Variants in TRIM63 observed in about 807,000 individuals in gnomAD.
TRIM63 encodes tripartite motif containing 63, also known as E3 ubiquitin-protein ligase TRIM63.
A neutral mutation model predicts 46.0 loss-of-function variants in TRIM63; 48 were observed. The ratio of observed to expected loss-of-function variants is 1.04; its 90% CI spans 0.83 to 1.33. The LOEUF is 1.33. Among genes scored for constraint, TRIM63 ranks in the 40% most tolerant of loss-of-function variants. TRIM63 has a pLI of 0.00. For synonymous variants in TRIM63, 175 were observed against 162.8 expected (o/e 1.08, Z -0.57); for missense variants, 455 against 441.2 (o/e 1.03, Z -0.28).
chr1:26,067,187 C>T (rs1014995897), intron 1 of TRIM63, 149 bp downstream of exon 1: 3 of 988,074 alleles, frequency 3.0e-6, no homozygotes, highest in East Asian at 2.7e-5. Flanking sequence ...TCCCAGCCCC[C>T]TCTCAGCCCT....
intron 2 of TRIM63, 51 bp downstream of exon 2, chr1:26,066,217 C>A (rs755816322): frequency 1.2e-6 from 2 of 1,602,764 alleles, no homozygotes; most frequent in Admixed American, 3.3e-5. Context: ...GGGATCTAGG[C>A]ACAGCATGGC....
intron 2 of TRIM63, among the ~76,000 whole-genome samples, chr1:26,062,038 T>TGGGAGAGTCACCTGAGGTC (rs1553146095): frequency 6.6e-6 from 1 of 151,810 alleles, no homozygotes; most frequent in African/African-American, 2.4e-5. Context: ...GAGGCCGAGG[T>TGGGAGAGTCACCTGAGGTC]GGGAGAGTCA....
chr1:26,065,017 T>TTGTGTGTGTGTG (rs147938449), intron 2 of TRIM63, among the ~76,000 whole-genome samples: 2 of 149,588 alleles, frequency 1.3e-5, no homozygotes, highest in African/African-American at 4.9e-5. Context: ...TTGTGTTGTG[T>TTGTGTGTGTGTG]TGTGTGTGTG....
chr1:26,053,382 A>G (rs1217323106), intron 8 of TRIM63, among the ~76,000 whole-genome samples: 1 of 152,184 alleles, frequency 6.6e-6, no homozygotes, highest in Admixed American at 6.5e-5. Context: ...CCTCCTAAGT[A>G]GCTGGTACTA....
chr1:26,065,348 G>T (rs1203616419), intron 2 of TRIM63, among the ~76,000 whole-genome samples: 1 of 151,614 alleles, frequency 6.6e-6, no homozygotes, highest in East Asian at 1.9e-4. Context: ...TCTGTTTGAG[G>T]CATGGTCTCA....
chr1:26,060,482 G>A (rs2124440288), intron 3 of TRIM63, 121 bp from the exon 4 acceptor site: 2 of 708,458 alleles, frequency 2.8e-6, no homozygotes, highest in South Asian at 1.6e-5. Flanking sequence ...GCCTCCAGTA[G>A]GGATCTGGCC....
chr1:26,055,183 CA>C (rs1454419783), intron 7 of TRIM63, among the ~76,000 whole-genome samples: 2 of 152,170 alleles, frequency 1.3e-5, no homozygotes, highest in African/African-American at 4.8e-5. Context: ...TTTTGCAAGC[CA>C]AATGGCCCTC....
At chr1:26,063,216 AC>A (rs1392900066) in intron 2 of TRIM63, among the ~76,000 whole-genome samples, 1 of 152,124 alleles carries the variant, frequency 6.6e-6, no homozygotes, top group African/African-American at 2.4e-5. Context: ...ACTGGTGCAT[AC>A]CACCATGCCT....
chr1:26,067,590 G>T lies in TRIM63; in HGVS notation c.-96C>A. 2 of 1,397,914 alleles carry T rather than the reference G, an allele frequency of 1.4e-6. No individual in the cohort carries two copies. The highest frequency in any genetic ancestry group is 1.9e-6 in the Non-Finnish European group (2 of 1,034,608). 86.6% of individuals were successfully genotyped at this position (1,397,914 alleles called of 1,614,324 possible). On this transcript the variant is annotated 5_prime_UTR_variant, in exon 1 of 9. Transcript: ENST00000374272. ...TCTTGCCTTTGTCACAAAACACCGG[G>T]TCGGATCCTGTTGGCTTCCTTCTCC... is the stretch of plus-strand genomic sequence containing the variant.
At chr1:26,053,720 T>G (rs1203246842) in intron 8 of TRIM63, among the ~76,000 whole-genome samples, 173 bp downstream of exon 8, 1 of 152,208 alleles carries the variant, frequency 6.6e-6, no homozygotes, top group East Asian at 1.9e-4. Flanking sequence ...TTTTTTTCTT[T>G]TCTAAGGGTA....
chr1:26,067,242 T>A (rs565881148), intron 1 of TRIM63, 94 bp downstream of exon 1: 1 of 1,463,848 alleles, frequency 6.8e-7, no homozygotes, highest in East Asian at 2.4e-5. Context: ...GGAAAGAGGC[T>A]GTCCAGGTTG....
In TRIM63 at chr1:26,067,475, A is replaced by G; in HGVS notation, c.20T>C (p.Leu7Pro). Residue 7 changes from leucine to proline, a missense_variant, in exon 1 of 9, where the codon CTG (leucine) becomes CCG (proline). Leu to Pro is a moderately conservative substitution (Grantham distance 98). Coordinates refer to ENST00000374272, the MANE Select transcript of TRIM63 (RefSeq NM_032588.4). MDYKSS[L>P]IQDGNPMENL... ...CTCCATGGGATTCCCATCCTGGATC[A>G]GGCTCGACTTATAATCCATTCTGTG... 6.2e-7 allele frequency: 1 copy of G among 1,614,136 alleles called. No individual in the cohort carries two copies. Among genetic ancestry groups the G allele is most frequent in the Non-Finnish European group, 8.5e-7 (1 of 1,180,032 alleles).
chr1:26,051,966 C>G, intron 8 of TRIM63, 83 bp from the exon 9 acceptor site: 1 of 1,179,542 alleles, frequency 8.5e-7, no homozygotes, highest in Non-Finnish European at 1.1e-6. Context: ...ACTGTTTATT[C>G]AAACAGGAGT....
At chr1:26,066,130 G>A (rs1419134241) in intron 2 of TRIM63, 138 bp downstream of exon 2, 3 of 998,210 alleles carry the variant, frequency 3.0e-6, no homozygotes, top group Non-Finnish European at 4.6e-6. Flanking sequence ...CTCCAGTCCT[G>A]TCTCTGAATG....
Position 26,057,669 on chromosome 1 carries a change from C to T in TRIM63, c.832-19G>A. The stretch of plus-strand genomic sequence containing the variant: ...TGGCAGTCTGCAGGGGGAGAGAGAA[C>T]AAAGGATTAGGACCGCAGAAGAGGT... On this transcript the variant is annotated intron_variant, in intron 5 of 8. Transcript: ENST00000374272. The T allele has an allele frequency of 6.2e-7, 1 of 1,604,786 alleles. No individual in the cohort carries two copies. The highest frequency in any genetic ancestry group is 8.5e-7 in the Non-Finnish European group (1 of 1,176,222).
At chr1:26,057,980 A>G (rs982223217) in intron 5 of TRIM63, among the ~76,000 whole-genome samples, 4 of 152,200 alleles carry the variant, frequency 2.6e-5, no homozygotes, top group African/African-American at 9.6e-5. Context: ...GGCCCACAGT[A>G]GAAGCCTAGA....
chr1:26,056,092 G>T lies in TRIM63; in HGVS notation c.979+1111C>A, dbSNP rs186068812. 5.9e-5 allele frequency among the ~76,000 whole-genome samples: 9 copies of T among 152,210 alleles called. No homozygotes were observed. In the East Asian group the frequency reaches 1.5e-3, roughly 26 times the overall value. On this transcript the variant is annotated intron_variant, in intron 7 of 8. Coordinates refer to ENST00000374272, the MANE Select transcript of TRIM63 (RefSeq NM_032588.4). ...ATCCCCTTGTCCCCCAACCTCAGCT[G>T]GTCATTGGAGCACCACCTCTCAGAC... is the stretch of plus-strand genomic sequence containing the variant.
rs776912504 is a variant in TRIM63 at position 26,060,371 on chromosome 1, G to T, written c.502-10C>A. ...AGTTATTCAGTTCAGTCTAGATGGG[G>T]GTGTGGGGGTCAGGAGAGGAGAGAC... On this transcript the variant is annotated splice_polypyrimidine_tract_variant and intron_variant, in intron 3 of 8. Transcript: ENST00000374272. 20 of 1,611,314 alleles carry T rather than the reference G, an allele frequency of 1.2e-5. No individual in the cohort carries two copies. The highest frequency in any genetic ancestry group is 1.7e-5 in the Non-Finnish European group (20 of 1,177,832).
chr1:26,057,291 C>T lies in TRIM63; in HGVS notation c.891G>A (p.Lys297=). 6.2e-7 allele frequency: 1 copy of T among 1,614,200 alleles called. No individual in the cohort carries two copies. Among genetic ancestry groups the T allele is most frequent in the East Asian group, 2.2e-5 (1 of 44,888 alleles). Reference sequence around the variant, plus strand: ...CCATGTTCTCAAAGCCCTGCTCTGTCTTCCCCAGCTGGCAGCCCTTGGAAG... The same window carrying T: ...CCATGTTCTCAAAGCCCTGCTCTGTTTTCCCCAGCTGGCAGCCCTTGGAAG... ...VEASKGCQLG[K]TEQGFENMDF... The change falls in exon 7 of 9, where the codon AAG becomes AAA. Residue 297 remains lysine (K), a synonymous_variant. Transcript: ENST00000374272.
Sources: allele counts gnomAD v4.1 joint callset (sites outside exome capture counted in the v4.1 genomes callset), GRCh38; gene constraint gnomAD v4.1.1; transcripts MANE v1.5; gene names NCBI Gene and HGNC (gene_info 2026-07-23, HGNC 2026-07-21).